Variants in DEPTOR observed in about 807,000 individuals in gnomAD.
DEPTOR encodes the protein DEP domain containing MTOR interacting protein.
A neutral mutation model predicts 41.6 loss-of-function variants in DEPTOR; 41 were observed. The observed-to-expected ratio is 0.98, with a 90% CI of 0.77 to 1.28. The LOEUF is 1.28. Ranked by LOEUF, DEPTOR falls within the 50% of genes most tolerant of loss-of-function variation. The probability of loss-of-function intolerance (pLI) is 0.00; values close to 1 mark genes in which losing one functional copy is unlikely to be tolerated. For synonymous variants in DEPTOR, 195 were observed against 192.3 expected (o/e 1.01, Z -0.12); for missense variants, 514 against 527.9 (o/e 0.97, Z 0.26).
intron 8 of DEPTOR, among the ~76,000 whole-genome samples, chr8:120,048,078 C>A (rs929189157): frequency 6.6e-6 from 1 of 151,816 alleles, no homozygotes; most frequent in African/African-American, 2.4e-5. Context: ...CTGAGCGATG[C>A]GGAGACATGG....
At chr8:119,909,602 CA>C (rs1487186880) in intron 1 of DEPTOR, among the ~76,000 whole-genome samples, 1 of 152,208 alleles carries the variant, frequency 6.6e-6, no homozygotes, top group Non-Finnish European at 1.5e-5. Flanking sequence ...TTAATGTAAA[CA>C]ATTGCAAACC....
intron 3 of DEPTOR, among the ~76,000 whole-genome samples, chr8:119,954,049 AC>A (rs34437876): frequency 0.61 from 92,761 of 151,606 alleles, 28,784 homozygotes; most frequent in Middle Eastern, 0.77. Context: ...CAGGTGATCC[AC>A]CCGCCTTGGC....
intron 4 of DEPTOR, among the ~76,000 whole-genome samples, chr8:119,987,383 G>C (rs1183194943): frequency 6.6e-6 from 1 of 152,142 alleles, no homozygotes; most frequent in Non-Finnish European, 1.5e-5. Flanking sequence ...AAAGATTGCT[G>C]CCTGTTCTTT....
At chr8:120,022,911 A>G (rs1318705248) in intron 8 of DEPTOR, among the ~76,000 whole-genome samples, 1 of 152,114 alleles carries the variant, frequency 6.6e-6, no homozygotes, top group African/African-American at 2.4e-5. Context: ...AGCTGATCCA[A>G]CCCAAGTTAG....
At position 119,912,181 on chromosome 8, in the gene DEPTOR, G is replaced by C. The variant is rs143248347; in HGVS notation, c.123-16219G>C. Among the ~76,000 whole-genome samples, 425 of 152,290 alleles carry C rather than the reference G, an allele frequency of 2.8e-3. 3 individuals are homozygous for C. Among genetic ancestry groups the C allele is most frequent in the African/African-American group, 8.8e-3 (364 of 41,554 alleles). ...AAAGAGGGAGAGCATATTCTGAAAAGGGAGTAGCCTAAATATAGGGAAGAG... is the reference window on the plus strand; with the variant it reads ...AAAGAGGGAGAGCATATTCTGAAAACGGAGTAGCCTAAATATAGGGAAGAG... On this transcript the variant is annotated intron_variant, in intron 1 of 8. Transcript: ENST00000286234.
intron 1 of DEPTOR, among the ~76,000 whole-genome samples, chr8:119,924,816 C>T (rs758094179): frequency 5.9e-5 from 9 of 152,054 alleles, no homozygotes; most frequent in Non-Finnish European, 1.0e-4. Flanking sequence ...AGGGGTTTGG[C>T]GTACAGATTA....
chr8:119,949,917 T>C (rs1586628919), intron 3 of DEPTOR, among the ~76,000 whole-genome samples: 1 of 152,194 alleles, frequency 6.6e-6, no homozygotes, highest in Admixed American at 6.6e-5. Flanking sequence ...TGACCTCAGG[T>C]GATCCACCCA....
At chr8:119,894,080 G>C (rs1827483938) in intron 1 of DEPTOR, among the ~76,000 whole-genome samples, 1 of 152,010 alleles carries the variant, frequency 6.6e-6, no homozygotes, top group Non-Finnish European at 1.5e-5. Context: ...CAGTTGTTTT[G>C]TTTTTTGATA....
At chr8:119,960,722 A>G (rs1828479067) in intron 3 of DEPTOR, among the ~76,000 whole-genome samples, 1 of 152,130 alleles carries the variant, frequency 6.6e-6, no homozygotes, top group Non-Finnish European at 1.5e-5. Flanking sequence ...GAATAAAAGA[A>G]AAGTGGCTCC....
intron 8 of DEPTOR, among the ~76,000 whole-genome samples, chr8:120,034,518 G>T (rs1170297760): frequency 7.7e-6 from 1 of 129,550 alleles, no homozygotes. Context: ...CGCAATCTCA[G>T]CTCACTGCAA....
At chr8:120,038,158 A>G (rs2130191043) in intron 8 of DEPTOR, among the ~76,000 whole-genome samples, 1 of 151,886 alleles carries the variant, frequency 6.6e-6, no homozygotes, top group East Asian at 1.9e-4. Context: ...AGTCCCAGCT[A>G]CTAGGGAGGC....
At chr8:120,014,527 A>AT (rs146018864) in intron 8 of DEPTOR, among the ~76,000 whole-genome samples, 101 of 150,504 alleles carry the variant, frequency 6.7e-4, no homozygotes, top group Non-Finnish European at 9.6e-4. Flanking sequence ...TCCCCAAGCT[A>AT]TTTTTTTTTC....
At chr8:120,042,287 C>A (rs1291623422) in intron 8 of DEPTOR, among the ~76,000 whole-genome samples, 1 of 152,088 alleles carries the variant, frequency 6.6e-6, no homozygotes, top group Non-Finnish European at 1.5e-5. Flanking sequence ...TTCCCCCAGG[C>A]TGAGTGCTTC....
intron 3 of DEPTOR, among the ~76,000 whole-genome samples, chr8:119,959,158 C>CTTT (rs60202859): frequency 2.0e-3 from 234 of 114,840 alleles, no homozygotes; most frequent in Non-Finnish European, 2.2e-3. Flanking sequence ...TTCTTTCTTT[C>CTTT]TTTTTTTTTT....
intron 3 of DEPTOR, 23 bp from the exon 4 acceptor site, chr8:119,965,208 TC>T: frequency 6.3e-7 from 1 of 1,598,756 alleles, no homozygotes; most frequent in East Asian, 2.2e-5. Context: ...GGTTTACTTT[TC>T]TTTTCCCTTT....
chr8:119,906,467 A>G (rs540927543), intron 1 of DEPTOR, among the ~76,000 whole-genome samples: 15 of 152,260 alleles, frequency 9.9e-5, no homozygotes, highest in African/African-American at 3.4e-4. Context: ...AAAGAAAAAA[A>G]AAATTAAAAT....
chr8:119,900,667 A>T (rs914391575), intron 1 of DEPTOR, among the ~76,000 whole-genome samples: 1 of 151,934 alleles, frequency 6.6e-6, no homozygotes, highest in African/African-American at 2.4e-5. Flanking sequence ...AGGATTACAG[A>T]TGTGAATCAG....
At chr8:119,948,883 G>T (rs1464885008) in intron 3 of DEPTOR, among the ~76,000 whole-genome samples, 1 of 152,046 alleles carries the variant, frequency 6.6e-6, no homozygotes, top group Non-Finnish European at 1.5e-5. Context: ...CACCTCCCAG[G>T]TTCAAGCAAT....
At chr8:119,876,799 A>G (rs1289617187) in intron 1 of DEPTOR, among the ~76,000 whole-genome samples, 4 of 152,182 alleles carry the variant, frequency 2.6e-5, no homozygotes, top group African/African-American at 9.7e-5. Context: ...TGGACAAGTA[A>G]ATTCACTTCT....
Sources: gnomAD v4.1 joint callset for allele counts (sites outside exome capture counted in the v4.1 genomes callset) on GRCh38, gnomAD v4.1.1 for gene constraint, MANE v1.5 for transcripts, NCBI Gene and HGNC (gene_info 2026-07-23, HGNC 2026-07-21) for gene names.